The following MUC17 variants were observed in gnomAD, a reference collection of about 807,000 sequenced individuals.
The protein encoded by MUC17 is mucin-17.
MUC17 carries 190 observed loss-of-function variants against 170.3 expected under a neutral mutation model. That is an observed-to-expected ratio of 1.12 (90% CI 0.99 to 1.26). The LOEUF (loss-of-function observed/expected upper bound fraction) is 1.26, where lower values mean the gene tolerates loss of function less well. Ranked by LOEUF, MUC17 falls within the 50% of genes most tolerant of loss-of-function variation. MUC17 has a pLI of 0.00. For synonymous variants in MUC17, 2,325 were observed against 2,002.5 expected, an observed-to-expected ratio of 1.16 and a Z score of -4.30; for missense variants, 6,415 against 5,530.0, an observed-to-expected ratio of 1.16 and a Z score of -5.08.
chr7:101,040,881 A>G lies in MUC17; in HGVS notation c.9465A>G (p.Pro3155=). ...SPTTSEGTSM[P]TSTPSEGSTP... ...CAACTTCTGAAGGTACCAGCATGCC[A>G]ACCTCAACTCCTAGTGAAGGAAGTA... The change falls in exon 3 of 13, where the codon CCA becomes CCG. Residue 3155 remains proline (P), a synonymous_variant. Coordinates refer to ENST00000306151, the MANE Select transcript of MUC17 (RefSeq NM_001040105.2). 9 of 1,613,688 alleles carry G rather than the reference A, an allele frequency of 5.6e-6. No homozygotes were observed. Among genetic ancestry groups the G allele is most frequent in the Non-Finnish European group, 7.6e-6 (9 of 1,179,948 alleles).
At chr7:101,030,619 A>G (rs1794261574) in intron 1 of MUC17, among the ~76,000 whole-genome samples, 1 of 152,174 alleles carries the variant, frequency 6.6e-6, no homozygotes, top group African/African-American at 2.4e-5. Context: ...CCCAGGCTAG[A>G]GTGCAGTGGT....
Position 101,040,232 on chromosome 7 carries a change from C to T in MUC17, c.8816C>T (p.Pro2939Leu). ...ACAAGTATACTTGTCAGCACCGTGC[C>T]AGTGGCCGGTTCTGAGGCTAGCACC... is the stretch of plus-strand genomic sequence containing the variant. ...PLTSILVSTV[P>L]VAGSEASTLS... The change falls in exon 3 of 13, where the codon CCA becomes CTA. Residue 2939 changes from proline (P) to leucine (L), a missense_variant. Physicochemically the swap from Pro to Leu is moderately conservative, Grantham distance 98. Transcript: ENST00000306151. The T allele has an allele frequency of 6.2e-7, 1 of 1,611,884 alleles. No individual in the cohort carries two copies. Among genetic ancestry groups the T allele is most frequent in the South Asian group, 1.1e-5 (1 of 90,854 alleles).
chr7:101,035,479 A>G lies in MUC17; in HGVS notation c.4063A>G (p.Ser1355Gly). ...NTTLVASSAI[S>G]ILSTTPVDNS... is the part of the protein sequence containing the mutation. ...CACACTGGTGGCCAGTTCTGCAATC[A>G]GCATCCTTTCAACAACTCCTGTTGA... Residue 1355 changes from serine (S) to glycine (G), a missense_variant, in exon 3 of 13, where the codon AGC becomes GGC. Transcript: ENST00000306151. 1.2e-6 allele frequency: 2 copies of G among 1,602,118 alleles called. No homozygotes were observed. The highest frequency in any genetic ancestry group is 8.5e-7 in the Non-Finnish European group (1 of 1,172,356).
chr7:101,052,056 G>A, intron 9 of MUC17, 94 bp downstream of exon 9: 1 of 1,446,120 alleles, frequency 6.9e-7, no homozygotes, highest in East Asian at 2.3e-5. Context: ...TGGAGACCAA[G>A]GTCATGGGAC....
In MUC17 at chr7:101,031,869, A is replaced by C. The variant is rs1562803243; in HGVS notation, c.453A>C (p.Thr151=). 2 of 1,614,034 alleles carry C rather than the reference A, an allele frequency of 1.2e-6. No homozygotes were observed. The highest frequency in any genetic ancestry group is 1.7e-6 in the Non-Finnish European group (2 of 1,180,044). The change falls in exon 3 of 13, where the codon ACA becomes ACC. Residue 151 remains threonine (T), a synonymous_variant. Transcript: ENST00000306151. ...TPEGTDVPMS[T]PSEESISSTM... is the part of the protein sequence containing the mutation. ...AAGGCACCGACGTGCCCATGTCAAC[A>C]CCAAGTGAAGAAAGCATTTCATCAA...
chr7:101,040,963 A>T lies in MUC17; in HGVS notation c.9547A>T (p.Thr3183Ser). ...GCTGGTAGTCAGTTCTGAGGATAGCACCCTTTCAGCAACTCCTGTTGACAC... is the reference window on the plus strand; with the variant it reads ...GCTGGTAGTCAGTTCTGAGGATAGCTCCCTTTCAGCAACTCCTGTTGACAC... ...TMLVVSSEDS[T>S]LSATPVDTST... is the part of the protein sequence containing the mutation. The change falls in exon 3 of 13, where the codon ACC becomes TCC. Residue 3183 changes from threonine to serine, a missense_variant. By Grantham distance (58) the Thr-to-Ser change is moderately conservative. Transcript: ENST00000306151. 1.9e-6 allele frequency: 3 copies of T among 1,613,226 alleles called. No homozygotes were observed. The highest frequency in any genetic ancestry group is 1.1e-5 in the South Asian group (1 of 91,024).
Position 101,035,684 on chromosome 7 carries a change from C to A in MUC17, c.4268C>A (p.Thr1423Asn), listed in dbSNP as rs144263818. The A allele has an allele frequency of 1.3e-4, 214 of 1,607,966 alleles. No individual in the cohort carries two copies. The African/African-American group carries it at 2.5e-3, about 18-fold the overall frequency. Residue 1423 changes from threonine to asparagine, a missense_variant, in exon 3 of 13, where the codon ACC becomes AAC. By Grantham distance (65) the Thr-to-Asn change is moderately conservative. Coordinates refer to ENST00000306151, the MANE Select transcript of MUC17 (RefSeq NM_001040105.2). ...ACCCTTTCAGCAACTCCTGTTGACACCAGCACCCCTGGGACCACTTCTGCT... is the reference window on the plus strand; with the variant it reads ...ACCCTTTCAGCAACTCCTGTTGACAACAGCACCCCTGGGACCACTTCTGCT... ...ASTLSATPVD[T>N]STPGTTSAEA...
chr7:101,048,445 A>AT (rs1166094193), intron 4 of MUC17, among the ~76,000 whole-genome samples: 1 of 151,312 alleles, frequency 6.6e-6, no homozygotes, highest in Non-Finnish European at 1.5e-5. Flanking sequence ...AAAAAAAAAA[A>AT]CTTGACTGGG....
Position 101,042,954 on chromosome 7 carries a change from G to T in MUC17, c.11538G>T (p.Leu3846Phe). The T allele has an allele frequency of 6.2e-7, 1 of 1,614,066 alleles. No individual in the cohort carries two copies. Among genetic ancestry groups the T allele is most frequent in the Non-Finnish European group, 8.5e-7 (1 of 1,180,028 alleles). The change falls in exon 3 of 13, where the codon TTG becomes TTT. Residue 3846 changes from leucine (L) to phenylalanine (F), a missense_variant. Leu to Phe is a conservative substitution (Grantham distance 22, BLOSUM62 0). Transcript: ENST00000306151. ...CTCCTGGTGATACCAGCACACCTTTGCTCACCTCTACCAAAGCCGGTTCAT... is the reference window on the plus strand; with the variant it reads ...CTCCTGGTGATACCAGCACACCTTTTCTCACCTCTACCAAAGCCGGTTCAT... ...STPPGDTSTP[L>F]LTSTKAGSFS...
chr7:101,021,473 C>A (rs1437022680), intron 1 of MUC17, among the ~76,000 whole-genome samples: 1 of 152,076 alleles, frequency 6.6e-6, no homozygotes, highest in Non-Finnish European at 1.5e-5. Flanking sequence ...CAGGGGTGAG[C>A]CACCGCTCCT....
chr7:101,029,082 G>A (rs750304325), intron 1 of MUC17, among the ~76,000 whole-genome samples: 5 of 152,084 alleles, frequency 3.3e-5, no homozygotes, highest in Non-Finnish European at 7.4e-5. Context: ...CAGCTACTCG[G>A]GAGGCTGAGG....
Position 101,035,275 on chromosome 7 carries a change from A to C in MUC17, c.3859A>C (p.Thr1287Pro). ...STLLTSIPVS[T>P]TLVTSPEAST... The stretch of plus-strand genomic sequence containing the variant: ...TCTATTAACAAGTATACCTGTCAGC[A>C]CCACGCTGGTGACCAGTCCTGAGGC... Residue 1287 changes from threonine (T) to proline (P), a missense_variant, in exon 3 of 13, where the codon ACC (threonine) becomes CCC (proline). By Grantham distance (38) the Thr-to-Pro change is conservative. Transcript: ENST00000306151. The C allele has an allele frequency of 6.2e-7, 1 of 1,609,592 alleles. No individual in the cohort carries two copies.
rs772281754 is a variant in MUC17, at chr7:101,032,914, A to G, written c.1498A>G (p.Ser500Gly). 3 of 1,613,994 alleles carry G rather than the reference A, an allele frequency of 1.9e-6. No individual in the cohort carries two copies. Among genetic ancestry groups the G allele is most frequent in the East Asian group, 4.5e-5 (2 of 44,850 alleles). Residue 500 changes from serine (S) to glycine (G), a missense_variant, in exon 3 of 13, where the codon AGC becomes GGC. Coordinates refer to ENST00000306151, the MANE Select transcript of MUC17 (RefSeq NM_001040105.2). ...ATCTCCTCCAACTGCTGAAGTTAACAGCATGCCAACCTCAACTCCTAGTGA... is the reference window on the plus strand; with the variant it reads ...ATCTCCTCCAACTGCTGAAGTTAACGGCATGCCAACCTCAACTCCTAGTGA... The part of the protein sequence containing the change: ...SSSPPTAEVN[S>G]MPTSTPSEGS...
Position 101,036,468 on chromosome 7 carries a change from T to G in MUC17, c.5052T>G (p.Thr1684=), listed in dbSNP as rs745570084. 6.2e-7 allele frequency: 1 copy of G among 1,610,734 alleles called. No homozygotes were observed. The highest frequency in any genetic ancestry group is 1.1e-5 in the South Asian group (1 of 90,750). The change falls in exon 3 of 13, where the codon ACT becomes ACG. Residue 1684 remains threonine, a synonymous_variant. Coordinates refer to ENST00000306151, the MANE Select transcript of MUC17 (RefSeq NM_001040105.2). ...AAGGTACCAGCATGCCAACCTCAAC[T>G]TATACTGAAGGAAGAACTCCTTTAA... is the stretch of plus-strand genomic sequence containing the variant. ...PAEGTSMPTS[T]YTEGRTPLTS...
At chr7:101,056,338 A>G (rs1027737367) in intron 12 of MUC17, 68 bp downstream of exon 12, 8 of 1,587,018 alleles carry the variant, frequency 5.0e-6, no homozygotes, top group Non-Finnish European at 6.9e-6. Context: ...CCTTTCCTAC[A>G]TGGTAGGACC....
chr7:101,040,026 A>G lies in MUC17; in HGVS notation c.8610A>G (p.Leu2870=), dbSNP rs1184606036. ...PISTASEGST[L]LTSIPVSTTP... is the part of the protein sequence containing the mutation. ...CAACTGCTAGTGAAGGAAGTACTCT[A>G]TTAACAAGTATACCTGTCAGCACCA... Residue 2870 remains leucine (L), a synonymous_variant, in exon 3 of 13, where the codon CTA becomes CTG. Coordinates refer to ENST00000306151, the MANE Select transcript of MUC17 (RefSeq NM_001040105.2). 6.2e-6 allele frequency: 10 copies of G among 1,612,772 alleles called. No homozygotes were observed. Among genetic ancestry groups the G allele is most frequent in the Non-Finnish European group, 5.9e-6 (7 of 1,179,666 alleles).
chr7:101,035,332 A>G lies in MUC17; in HGVS notation c.3916A>G (p.Lys1306Glu), dbSNP rs1266819702. The change falls in exon 3 of 13, where the codon AAA (lysine) becomes GAA (glutamate). Residue 1306 changes from lysine (K) to glutamate (E), a missense_variant. Coordinates refer to ENST00000306151, the MANE Select transcript of MUC17 (RefSeq NM_001040105.2). ...STLLTTPVDT[K>E]GPVVTSNEVS... ...CCTTTTAACAACTCCTGTTGACACT[A>G]AAGGTCCTGTGGTCACTTCTAATGA... 1.4e-5 allele frequency: 22 copies of G among 1,610,544 alleles called. No individual in the cohort carries two copies. Among genetic ancestry groups the G allele is most frequent in the Non-Finnish European group, 1.8e-5 (21 of 1,177,944 alleles).
chr7:101,037,289 C>A lies in MUC17; in HGVS notation c.5873C>A (p.Thr1958Asn), dbSNP rs763909919. 1.9e-6 allele frequency: 3 copies of A among 1,613,376 alleles called. No homozygotes were observed. Among genetic ancestry groups the A allele is most frequent in the Non-Finnish European group, 2.5e-6 (3 of 1,179,552 alleles). ...TTLADTRTPV[T>N]TYSQASSSPT... is the part of the protein sequence containing the mutation. ...CTTGCTGACACCAGGACACCTGTGA[C>A]CACTTATTCTCAAGCCAGTTCATCT... The change falls in exon 3 of 13, where the codon ACC (threonine) becomes AAC (asparagine). Residue 1958 changes from threonine (T) to asparagine (N), a missense_variant. Thr to Asn is a moderately conservative substitution (Grantham distance 65). Transcript: ENST00000306151.
At chr7:101,031,095 A>C in intron 1 of MUC17, 25 bp from the exon 2 acceptor site, 1 of 1,595,500 alleles carries the variant, frequency 6.3e-7, no homozygotes, top group Non-Finnish European at 8.5e-7. Flanking sequence ...GCTCTGGGAT[A>C]CTAACTCCCC....
Sources: allele counts gnomAD v4.1 joint callset (sites outside exome capture counted in the v4.1 genomes callset), GRCh38; gene constraint gnomAD v4.1.1; transcripts MANE v1.5; gene names NCBI Gene and HGNC (gene_info 2026-07-23, HGNC 2026-07-21).